Variants in MRPS31 observed in about 807,000 individuals in gnomAD.
MRPS31 encodes the protein small ribosomal subunit protein mS31.
MRPS31 carries 32 observed loss-of-function variants against 43.1 expected under a neutral mutation model. That is an observed-to-expected ratio of 0.74 (90% CI 0.56 to 1.00). The LOEUF is 1.00. Ranked by LOEUF, MRPS31 falls within the 50% of genes least tolerant of loss-of-function variation. MRPS31 has a pLI of 0.00. For synonymous variants in MRPS31, 165 were observed against 161.6 expected (o/e 1.02, Z -0.16); for missense variants, 437 against 466.7 (o/e 0.94, Z 0.59).
chr13:40,733,863 G>A (rs1301784752), intron 6 of MRPS31, among the ~76,000 whole-genome samples: 1 of 150,644 alleles, frequency 6.6e-6, no homozygotes, highest in East Asian at 2.0e-4. Flanking sequence ...GGGAGGCCGA[G>A]GTGGGAAATA....
chr13:40,731,147 G>A, intron 6 of MRPS31: 1 of 151,122 alleles, frequency 6.6e-6, no homozygotes, highest in East Asian at 2.0e-4. Flanking sequence ...CCAGCTACTT[G>A]AAAGGCTGAG....
At position 40,768,199 on chromosome 13, in the gene MRPS31, G is replaced by A. The variant is rs9577142; in HGVS notation, c.153-1166C>T. On this transcript the variant is annotated intron_variant, in intron 1 of 6. Transcript: ENST00000323563. ...TGAATGTGTTAGTTTCAGTAAGAGG[G>A]TATATTAAAAAATTATTTGCTAAAT... 2.0e-3 allele frequency among the ~76,000 whole-genome samples: 309 copies of A among 152,282 alleles called. 4 individuals carry two copies. In the East Asian group the frequency reaches 0.047, roughly 23 times the overall value.
At chr13:40,737,120 G>C (rs1006601862) in intron 6 of MRPS31, among the ~76,000 whole-genome samples, 1 of 150,860 alleles carries the variant, frequency 6.6e-6, no homozygotes. Context: ...AAAAAAGGCA[G>C]GGGTTGCAAT....
intron 2 of MRPS31, 44 bp from the exon 3 acceptor site, chr13:40,759,150 G>A: frequency 2.0e-6 from 3 of 1,494,742 alleles, no homozygotes; most frequent in Non-Finnish European, 2.7e-6. Context: ...AAAAAAAAGA[G>A]AGATTGGCCA....
At chr13:40,751,874 T>C (rs1337851977) in intron 5 of MRPS31, among the ~76,000 whole-genome samples, 2 of 152,196 alleles carry the variant, frequency 1.3e-5, no homozygotes, top group Non-Finnish European at 2.9e-5. Flanking sequence ...TTATAAAATA[T>C]ATAAAACTTC....
At chr13:40,741,722 A>G (rs903258605) in intron 6 of MRPS31, among the ~76,000 whole-genome samples, 7 of 152,224 alleles carry the variant, frequency 4.6e-5, no homozygotes, top group African/African-American at 1.7e-4. Flanking sequence ...ACACAAGAAC[A>G]TGTGTAAAAG....
At chr13:40,734,258 C>A (rs1352378845) in intron 6 of MRPS31, among the ~76,000 whole-genome samples, 1 of 151,986 alleles carries the variant, frequency 6.6e-6, no homozygotes, top group Non-Finnish European at 1.5e-5. Context: ...TGTGCTTCAA[C>A]AAAATGAGAT....
Position 40,758,945 on chromosome 13 carries a change from C to A in MRPS31, c.599+3G>T. 6.4e-7 allele frequency: 1 copy of A among 1,566,716 alleles called. No homozygotes were observed. Among genetic ancestry groups the A allele is most frequent in the South Asian group, 1.2e-5 (1 of 83,196 alleles). ...TACTGACTTAAGGGTTTGATTCACT[C>A]ACCTAATTTTAGGTCGCTTTGCATC... is the stretch of plus-strand genomic sequence containing the variant. On this transcript the variant is annotated splice_donor_region_variant and intron_variant, in intron 3 of 6. Transcript: ENST00000323563.
At chr13:40,744,664 C>A (rs1163322014) in intron 6 of MRPS31, among the ~76,000 whole-genome samples, 1 of 152,024 alleles carries the variant, frequency 6.6e-6, no homozygotes, top group Non-Finnish European at 1.5e-5. Context: ...ATGTTCACTG[C>A]AGCACTATTC....
At chr13:40,741,097 A>G (rs897406392) in intron 6 of MRPS31, among the ~76,000 whole-genome samples, 3 of 151,990 alleles carry the variant, frequency 2.0e-5, no homozygotes, top group Non-Finnish European at 4.4e-5. Context: ...TATATATACT[A>G]GATGACATCT....
intron 1 of MRPS31, among the ~76,000 whole-genome samples, chr13:40,769,163 G>A (rs189338602): frequency 6.6e-6 from 1 of 151,740 alleles, no homozygotes; most frequent in Non-Finnish European, 1.5e-5. Flanking sequence ...GGATCATGAG[G>A]TCAGGAGTTC....
At chr13:40,733,380 T>C (rs1464896503) in intron 6 of MRPS31, among the ~76,000 whole-genome samples, 1 of 151,722 alleles carries the variant, frequency 6.6e-6, no homozygotes, top group Admixed American at 6.6e-5. Context: ...TTAAAGAATG[T>C]CCCCGGAGCA....
chr13:40,758,098 G>A (rs1290936887), intron 3 of MRPS31, among the ~76,000 whole-genome samples: 3 of 149,640 alleles, frequency 2.0e-5, no homozygotes, highest in East Asian at 2.0e-4. Context: ...AGCCGAGATC[G>A]CGCCACTGCA....
Position 40,769,975 on chromosome 13 carries a change from C to T in MRPS31, c.152+1010G>A, listed in dbSNP as rs144819839. ...TCAGACTGACTTTCCATTTTTCACA[C>T]TTTCTATATTAAAAGGCCCCCTAAC... is the stretch of plus-strand genomic sequence containing the variant. On this transcript the variant is annotated intron_variant, in intron 1 of 6. Transcript: ENST00000323563. 3.9e-5 allele frequency among the ~76,000 whole-genome samples: 6 copies of T among 152,324 alleles called. No homozygotes were observed. The South Asian group carries it at 6.2e-4, about 16-fold the overall frequency.
chr13:40,764,914 G>A (rs1252879063), intron 2 of MRPS31, among the ~76,000 whole-genome samples: 1 of 152,180 alleles, frequency 6.6e-6, no homozygotes, highest in Non-Finnish European at 1.5e-5. Context: ...CACTAAGTTT[G>A]GGAGGTAGTG....
At chr13:40,770,858 T>G in intron 1 of MRPS31, 127 bp downstream of exon 1, 2 of 1,293,716 alleles carry the variant, frequency 1.5e-6, no homozygotes, top group Non-Finnish European at 2.2e-6. Flanking sequence ...CAAGTCATCT[T>G]TTCTTTCTGG....
chr13:40,750,692 T>C (rs1201325000), intron 5 of MRPS31, among the ~76,000 whole-genome samples: 1 of 148,810 alleles, frequency 6.7e-6, no homozygotes, highest in Admixed American at 6.7e-5. Context: ...GAGGATCGTA[T>C]AGTTTGGTAA....
intron 6 of MRPS31, among the ~76,000 whole-genome samples, chr13:40,740,506 A>G (rs1880052704): frequency 7.1e-6 from 1 of 139,938 alleles, no homozygotes; most frequent in African/African-American, 2.9e-5. Flanking sequence ...TTGCGGCATT[A>G]TTCACAATAG....
chr13:40,769,061 G>A (rs576528000), intron 1 of MRPS31, among the ~76,000 whole-genome samples: 2 of 152,150 alleles, frequency 1.3e-5, no homozygotes, highest in East Asian at 3.9e-4. Context: ...TCAAGAGCCT[G>A]TATCAGACCC....
Sources: gnomAD v4.1 joint callset for allele counts (sites outside exome capture counted in the v4.1 genomes callset) on GRCh38, gnomAD v4.1.1 for gene constraint, MANE v1.5 for transcripts, NCBI Gene and HGNC (gene_info 2026-07-23, HGNC 2026-07-21) for gene names.